ST3GAL6: variants seen among roughly 807,000 people sequenced by gnomAD.
ST3GAL6 encodes the protein type 2 lactosamine alpha-2,3-sialyltransferase.
A neutral mutation model predicts 40.5 loss-of-function variants in ST3GAL6; 31 were observed. That is an observed-to-expected ratio of 0.77 (90% CI 0.58 to 1.03). The LOEUF is 1.03. Ranked by LOEUF, ST3GAL6 falls within the 50% of genes least tolerant of loss-of-function variation. The probability of loss-of-function intolerance (pLI) is 0.00; values close to 1 mark genes in which losing one functional copy is unlikely to be tolerated. For missense variants in ST3GAL6, 357 were observed against 393.2 expected (o/e 0.91, Z 0.78); for synonymous variants, 129 against 136.9 (o/e 0.94, Z 0.40).
upstream of ST3GAL6, among the ~76,000 whole-genome samples, chr3:98,760,528 T>C (rs575053085): frequency 2.0e-5 from 3 of 152,344 alleles, no homozygotes; most frequent in African/African-American, 7.2e-5. Flanking sequence ...ATGAAATTCT[T>C]GATATTAATA....
chr3:98,768,334 A>G, intron 1 of ST3GAL6, 96 bp from the exon 2 acceptor site: 3 of 883,696 alleles, frequency 3.4e-6, no homozygotes, highest in East Asian at 2.4e-5. Context: ...TTCCTTTTGT[A>G]TATTTTTTCC....
In ST3GAL6 at chr3:98,781,332, G is replaced by A. The variant is rs570216955; in HGVS notation, c.336-3613G>A. On this transcript the variant is annotated intron_variant, in intron 5 of 9. Coordinates refer to ENST00000483910, the MANE Select transcript of ST3GAL6 (RefSeq NM_001323368.2). The stretch of plus-strand genomic sequence containing the variant: ...ATCACACACTGGGGCCTGTCGCAGG[G>A]TTGGGGGCTAGGGGAGGGATAGCAT... Among the ~76,000 whole-genome samples the A allele has an allele frequency of 1.2e-4, 18 of 152,250 alleles. 1 individual carries two copies. Among genetic ancestry groups the A allele is most frequent in the African/African-American group, 4.3e-4 (18 of 41,536 alleles).
chr3:98,745,157 C>T (rs769815197), intron 1 of ST3GAL6, among the ~76,000 whole-genome samples: 16 of 152,126 alleles, frequency 1.1e-4, no homozygotes, highest in Non-Finnish European at 2.2e-4. Flanking sequence ...CCTCAGCCTC[C>T]TGAGTAGCTG....
At position 98,766,405 on chromosome 3, in the gene ST3GAL6, C is replaced by CTTTTTT. The variant is rs369996406; in HGVS notation, c.-11-1998_-11-1993dup. Among the ~76,000 whole-genome samples the CTTTTTT allele has an allele frequency of 4.0e-3, 421 of 104,054 alleles. 63 individuals are homozygous for CTTTTTT. The highest frequency in any genetic ancestry group is 0.013 in the African/African-American group (326 of 24,384). The allele number at this position is 104,054 out of a possible 152,430, so 68.3% of individuals were successfully genotyped here. A position where few individuals can be genotyped will look rare whatever the true frequency, so the allele number is the denominator to read the frequency against. On this transcript the variant is annotated intron_variant, in intron 1 of 9. Coordinates refer to ENST00000483910, the MANE Select transcript of ST3GAL6 (RefSeq NM_001323368.2). Reference sequence around the variant, plus strand: ...GTTGGATCTTTGCATAAATGTCATTCTTTTTTTTTTTTTTTTTTTTTTTTT... The same window carrying CTTTTTT: ...GTTGGATCTTTGCATAAATGTCATTCTTTTTTTTTTTTTTTTTTTTTTTTTTTTTTT...
chr3:98,742,167 ACTTC>A (rs1936148457), intron 1 of ST3GAL6, among the ~76,000 whole-genome samples: 1 of 152,064 alleles, frequency 6.6e-6, no homozygotes, highest in Admixed American at 6.5e-5. Flanking sequence ...TTAAGTTTTG[ACTTC>A]CTTCCCCTCT....
At chr3:98,793,369 G>A (rs1258610572) in intron 9 of ST3GAL6, among the ~76,000 whole-genome samples, 1 of 152,164 alleles carries the variant, frequency 6.6e-6, no homozygotes, top group East Asian at 1.9e-4. Context: ...CCATTAAAGT[G>A]AACAACTCAA....
At chr3:98,792,239 A>G (rs964079963) in intron 9 of ST3GAL6, among the ~76,000 whole-genome samples, 4 of 152,332 alleles carry the variant, frequency 2.6e-5, no homozygotes, top group Middle Eastern at 3.4e-3. Context: ...TCAAACCCAT[A>G]TAAGTACAGA....
intron 1 of ST3GAL6, among the ~76,000 whole-genome samples, chr3:98,764,275 G>A (rs966554286): frequency 6.6e-6 from 1 of 152,086 alleles, no homozygotes; most frequent in Non-Finnish European, 1.5e-5. Context: ...GGTTGGAAAA[G>A]CAAGCTCCCT....
At chr3:98,733,807 G>A (rs1026638326) in intron 1 of ST3GAL6, among the ~76,000 whole-genome samples, 16 of 152,120 alleles carry the variant, frequency 1.1e-4, no homozygotes, top group African/African-American at 3.9e-4. Context: ...AGTAGCGAGG[G>A]TTGGCGGGGA....
chr3:98,746,996 T>A (rs1207080421), intron 1 of ST3GAL6, among the ~76,000 whole-genome samples: 1 of 152,224 alleles, frequency 6.6e-6, no homozygotes, highest in Admixed American at 6.5e-5. Context: ...TCGTTCATGC[T>A]CTGTTTAATA....
chr3:98,751,580 C>A (rs1937012571), intron 1 of ST3GAL6, among the ~76,000 whole-genome samples: 1 of 152,180 alleles, frequency 6.6e-6, no homozygotes, highest in South Asian at 2.1e-4. Context: ...CTGTAATCTA[C>A]AATTCAGCAC....
intron 1 of ST3GAL6, among the ~76,000 whole-genome samples, chr3:98,741,247 A>G (rs956749732): frequency 6.6e-6 from 1 of 152,128 alleles, no homozygotes; most frequent in Non-Finnish European, 1.5e-5. Flanking sequence ...GGTTCAAAAC[A>G]TAGAAACACT....
In ST3GAL6 at chr3:98,768,448, G is replaced by A; in HGVS notation, c.8G>A (p.Gly3Glu). The stretch of plus-strand genomic sequence containing the variant: ...GTTTCAGGTGAGCCAGCCATGAGAG[G>A]GTATCTTGTGGCCATATTCCTGAGT... Reference protein sequence around the residue: MRGYLVAIFLSAV... With the variant: MREYLVAIFLSAV... Residue 3 changes from glycine to glutamate, a missense_variant, in exon 2 of 10, where the codon GGG becomes GAG. Transcript: ENST00000483910. 1 of 1,613,564 alleles carries A rather than the reference G, an allele frequency of 6.2e-7. No homozygotes were observed. The highest frequency in any genetic ancestry group is 8.5e-7 in the Non-Finnish European group (1 of 1,179,632).
chr3:98,781,817 T>C (rs1195806959), intron 5 of ST3GAL6, among the ~76,000 whole-genome samples: 6 of 152,202 alleles, frequency 3.9e-5, no homozygotes, highest in African/African-American at 1.4e-4. Context: ...ATGCAGGTTA[T>C]CTCATGGGAA....
chr3:98,733,636 A>G, intron 1 of ST3GAL6: 1 of 983,578 alleles, frequency 1.0e-6, no homozygotes, highest in Non-Finnish European at 1.2e-6. Context: ...TTTCAAGATA[A>G]GGGAGAAGCA....
upstream of ST3GAL6, among the ~76,000 whole-genome samples, chr3:98,761,609 CAAA>C (rs35800676): frequency 8.7e-5 from 10 of 114,630 alleles, no homozygotes; most frequent in Admixed American, 4.3e-4. Context: ...GACTCCATCT[CAAA>C]AAAAAAAAAA....
chr3:98,754,736 G>A (rs965285384), intron 1 of ST3GAL6, among the ~76,000 whole-genome samples: 2 of 152,180 alleles, frequency 1.3e-5, no homozygotes, highest in Admixed American at 1.3e-4. Context: ...GCAACCACCA[G>A]CCTGATAAGT....
At chr3:98,783,413 C>A in intron 5 of ST3GAL6, 1 of 299,294 alleles carries the variant, frequency 3.3e-6, no homozygotes. Flanking sequence ...CAATGAATGG[C>A]AAACTGTTTT....
upstream of ST3GAL6, chr3:98,763,223 C>A: frequency 8.2e-7 from 1 of 1,216,178 alleles, no homozygotes; most frequent in South Asian, 1.5e-5. Flanking sequence ...TGTAGATTTG[C>A]TCATGTAGGC....
Sources: allele counts gnomAD v4.1 joint callset (sites outside exome capture counted in the v4.1 genomes callset), GRCh38; gene constraint gnomAD v4.1.1; transcripts MANE v1.5; gene names NCBI Gene and HGNC (gene_info 2026-07-23, HGNC 2026-07-21).